COL4A6: variants seen among roughly 807,000 people sequenced by gnomAD.
The protein encoded by COL4A6 is collagen type IV alpha 6 chain.
Under a neutral mutation model 126.7 loss-of-function variants are expected in COL4A6, and 59 were observed. The observed-to-expected ratio is 0.47, with a 90% confidence interval of 0.38 to 0.58. The LOEUF (loss-of-function observed/expected upper bound fraction) is 0.58, where lower values mean the gene tolerates loss of function less well. COL4A6 is among the 20% of genes least tolerant of loss of function. COL4A6 has a pLI of 0.00. For synonymous variants in COL4A6, 547 were observed against 496.6 expected (o/e 1.10, Z -1.35); for missense variants, 1,285 against 1,337.3 (o/e 0.96, Z 0.61).
At chrX:108,282,909 A>G (rs757508727) in intron 3 of COL4A6, among the ~76,000 whole-genome samples, 1 of 104,728 alleles carries the variant, frequency 9.5e-6, no homozygotes, top group South Asian at 4.6e-4. Flanking sequence ...ATAAAACCAA[A>G]CACCGCATAT....
chrX:108,291,890 T>A, intron 3 of COL4A6, among the ~76,000 whole-genome samples: 1 of 112,215 alleles, frequency 8.9e-6, no homozygotes, highest in Non-Finnish European at 1.9e-5. Context: ...AAATTGTTAA[T>A]GAAATGCTTA....
intron 32 of COL4A6, among the ~76,000 whole-genome samples, chrX:108,171,721 A>G (rs775013329): frequency 1.8e-5 from 2 of 112,288 alleles, no homozygotes; most frequent in East Asian, 5.6e-4. Context: ...TGGGCAGAGA[A>G]GATGGTAGGC....
chrX:108,197,458 T>A, intron 13 of COL4A6, among the ~76,000 whole-genome samples: 1 of 112,557 alleles, frequency 8.9e-6, no homozygotes, highest in Middle Eastern at 4.6e-3. Flanking sequence ...TTTAAAATTG[T>A]ACTTTTTGGA....
At chrX:108,413,885 T>C (rs953761330) in intron 2 of COL4A6, among the ~76,000 whole-genome samples, 3 of 111,996 alleles carry the variant, frequency 2.7e-5, no homozygotes, top group Non-Finnish European at 5.6e-5. Context: ...GCAGAGCTTT[T>C]CAGAACCATA....
intron 2 of COL4A6, among the ~76,000 whole-genome samples, chrX:108,331,016 T>C (rs188660835): frequency 2.7e-5 from 3 of 112,064 alleles, no homozygotes. Context: ...GTGTCCTTAG[T>C]TATCATCATG....
chrX:108,211,653 C>G lies in COL4A6; in HGVS notation c.510+19G>C, dbSNP rs1338840487. 7.3e-5 allele frequency: 88 copies of G among 1,204,248 alleles called. No individual in the cohort carries two copies. Among genetic ancestry groups the G allele is most frequent in the Non-Finnish European group, 9.3e-5 (83 of 889,465 alleles). On this transcript the variant is annotated intron_variant, in intron 7 of 44. Transcript: ENST00000334504. ...CCCAGCTTATAGCCTACTCAGCTAT[C>G]TGACTTACAGGTTCTTACCTTCATT... is the stretch of plus-strand genomic sequence containing the variant.
rs773871417 is a variant in COL4A6, at chrX:108,214,112, G to A, written c.441C>T (p.Pro147=). 1.3e-5 allele frequency: 15 copies of A among 1,191,918 alleles called. No individual in the cohort carries two copies. Among genetic ancestry groups the A allele is most frequent in the South Asian group, 3.6e-5 (2 of 56,041 alleles). Residue 147 remains proline, a splice_region_variant and synonymous_variant, in exon 6 of 45, where the codon CCC becomes CCT. Coordinates refer to ENST00000334504, the MANE Select transcript of COL4A6 (RefSeq NM_033641.4). ...PDGYPGLLGP[P]GLPGQKGSKG... is the part of the protein sequence containing the mutation. The stretch of plus-strand genomic sequence containing the variant: ...AAAATGCAAATATCTGGCAGCATAC[G>A]GGTGGTCCGAGAAGCCCAGGATAGC...
At chrX:108,226,796 G>A (rs1179632550) in intron 3 of COL4A6, among the ~76,000 whole-genome samples, 2 of 110,586 alleles carry the variant, frequency 1.8e-5, no homozygotes, top group Non-Finnish European at 3.8e-5. Context: ...TCCCACATCC[G>A]ATCCATTAGC....
intron 2 of COL4A6, among the ~76,000 whole-genome samples, chrX:108,340,513 A>C (rs1453742482): frequency 9.0e-6 from 1 of 110,780 alleles, no homozygotes; most frequent in Non-Finnish European, 1.9e-5. Context: ...ATGTAAACAT[A>C]ACTTAAATAT....
chrX:108,333,243 G>A (rs1409756692), intron 2 of COL4A6, among the ~76,000 whole-genome samples: 2 of 110,582 alleles, frequency 1.8e-5, no homozygotes, highest in Non-Finnish European at 3.8e-5. Flanking sequence ...TTTTATTCCA[G>A]GTATGCAAAG....
chrX:108,414,209 C>G (rs1354119600), intron 2 of COL4A6, among the ~76,000 whole-genome samples: 1 of 112,136 alleles, frequency 8.9e-6, no homozygotes, highest in Non-Finnish European at 1.9e-5. Flanking sequence ...GTGATCTAAT[C>G]TCTCAGAAAG....
At chrX:108,218,388 C>A (rs147445779) in intron 5 of COL4A6, among the ~76,000 whole-genome samples, 8 of 112,581 alleles carry the variant, frequency 7.1e-5, no homozygotes, top group African/African-American at 2.6e-4. Flanking sequence ...GATGGCCAAC[C>A]CTGTCCGCTT....
intron 2 of COL4A6, among the ~76,000 whole-genome samples, chrX:108,311,558 C>A (rs1294495928): frequency 9.0e-6 from 1 of 111,379 alleles, no homozygotes; most frequent in Non-Finnish European, 1.9e-5. Flanking sequence ...TCATTCTGTT[C>A]ATTAAAAACA....
intron 23 of COL4A6, among the ~76,000 whole-genome samples, chrX:108,184,346 A>ATT (rs2034786130): frequency 1.8e-5 from 2 of 112,423 alleles, no homozygotes; most frequent in African/African-American, 6.5e-5. Context: ...CTATGGTTTG[A>ATT]ATATGATTTG....
chrX:108,371,871 A>C (rs917180371), intron 2 of COL4A6, among the ~76,000 whole-genome samples: 3 of 108,997 alleles, frequency 2.8e-5, no homozygotes, highest in Non-Finnish European at 3.8e-5. Context: ...AAAAAAAAAA[A>C]AAAAAGACCT....
Position 108,232,704 on chromosome X carries a change from GTTAA to G in COL4A6, c.145-11334_145-11331del, listed in dbSNP as rs1286799347. Among the ~76,000 whole-genome samples, 31 of 111,560 alleles carry G rather than the reference GTTAA, an allele frequency of 2.8e-4. No homozygotes were observed. The East Asian group carries it at 7.6e-3, about 27-fold the overall frequency. ...CTTCTAGCTGTATGATATTGAAAAA[GTTAA>G]TTAATCTCTAGGCCTTTGTTTTCTC... On this transcript the variant is annotated intron_variant, in intron 3 of 44. Coordinates refer to ENST00000334504, the MANE Select transcript of COL4A6 (RefSeq NM_033641.4).
intron 2 of COL4A6, among the ~76,000 whole-genome samples, chrX:108,406,242 A>T (rs1014439785): frequency 8.9e-6 from 1 of 111,937 alleles, no homozygotes; most frequent in Non-Finnish European, 1.9e-5. Flanking sequence ...AAGTGCTGGG[A>T]TTATAGGTGT....
chrX:108,225,185 T>G (rs1022941588), intron 3 of COL4A6, among the ~76,000 whole-genome samples: 2 of 111,908 alleles, frequency 1.8e-5, no homozygotes, highest in Non-Finnish European at 3.8e-5. Context: ...GCAGATGTCT[T>G]AGGGGGTCCT....
At chrX:108,162,435 GA>G (rs1448383586) in intron 41 of COL4A6, among the ~76,000 whole-genome samples, 1 of 99,986 alleles carries the variant, frequency 1.0e-5, no homozygotes, top group Non-Finnish European at 2.1e-5. Flanking sequence ...AGAGGAGGAG[GA>G]AGAGGAAGAC....
Sources: gnomAD v4.1 joint callset for allele counts (sites outside exome capture counted in the v4.1 genomes callset) on GRCh38, gnomAD v4.1.1 for gene constraint, MANE v1.5 for transcripts, NCBI Gene and HGNC (gene_info 2026-07-23, HGNC 2026-07-21) for gene names.